VWC2: variants seen among roughly 807,000 people sequenced by gnomAD.
VWC2 encodes the protein brorin.
VWC2 carries 14 observed loss-of-function variants against 29.8 expected under a neutral mutation model. The ratio of observed to expected loss-of-function variants is 0.47; its 90% CI spans 0.31 to 0.74. The LOEUF (loss-of-function observed/expected upper bound fraction) is 0.74, where lower values mean the gene tolerates loss of function less well. VWC2 is among the 30% of genes least tolerant of loss of function. The pLI, the probability that VWC2 is intolerant of heterozygous loss-of-function variation, is 0.05. For synonymous variants in VWC2, 213 were observed against 199.0 expected, an observed-to-expected ratio of 1.07 and a Z score of -0.59; for missense variants, 457 against 459.8, an observed-to-expected ratio of 0.99 and a Z score of 0.05.
In VWC2 at chr7:49,775,527, T is replaced by A. The variant is rs767333586; in HGVS notation, c.92T>A (p.Ile31Asn). The A allele has an allele frequency of 1.3e-6, 2 of 1,575,276 alleles. No homozygotes were observed. The highest frequency in any genetic ancestry group is 2.3e-5 in the South Asian group (2 of 85,404). Residue 31 changes from isoleucine to asparagine, a missense_variant, in exon 2 of 4, where the codon ATC (isoleucine) becomes AAC (asparagine). By Grantham distance (149) the Ile-to-Asn change is moderately radical. Around this residue, in one of 2 missense-constraint regions of VWC2, gnomAD observed 272 missense variants for 202.7 expected, o/e 1.34. Transcript: ENST00000340652. ...CLMVALCSPS[I>N]PLEKLAQAPE... ...ATGGTGGCTCTGTGCAGTCCGAGCA[T>A]CCCGCTGGAGAAGCTGGCCCAGGCA...
chr7:49,778,769 T>C (rs1209198337), intron 2 of VWC2, among the ~76,000 whole-genome samples: 8 of 152,232 alleles, frequency 5.3e-5, no homozygotes, highest in Admixed American at 1.3e-4. Context: ...ACATGCCTGC[T>C]CTGGGTATTC....
chr7:49,862,146 A>G (rs1466182212), intron 3 of VWC2, among the ~76,000 whole-genome samples: 1 of 152,110 alleles, frequency 6.6e-6, no homozygotes, highest in East Asian at 1.9e-4. Context: ...TGTTTTCTTT[A>G]ATTTCTTTAA....
intron 3 of VWC2, among the ~76,000 whole-genome samples, chr7:49,852,497 C>A (rs1378624609): frequency 6.6e-6 from 1 of 152,158 alleles, no homozygotes; most frequent in Non-Finnish European, 1.5e-5. Flanking sequence ...CATCTTTAAA[C>A]TAACCTTTAT....
At chr7:49,831,556 G>A (rs1038833759) in intron 3 of VWC2, among the ~76,000 whole-genome samples, 1 of 152,148 alleles carries the variant, frequency 6.6e-6, no homozygotes, top group Non-Finnish European at 1.5e-5. Context: ...GCAGATTTTT[G>A]CTCAGTGTAA....
chr7:49,815,881 C>G (rs1789131156), intron 3 of VWC2, among the ~76,000 whole-genome samples: 1 of 151,992 alleles, frequency 6.6e-6, no homozygotes, highest in Non-Finnish European at 1.5e-5. Context: ...TTGCTGTACG[C>G]CACAAAAGAA....
intron 2 of VWC2, among the ~76,000 whole-genome samples, chr7:49,801,756 C>T (rs1341427011): frequency 6.6e-6 from 1 of 152,244 alleles, no homozygotes; most frequent in Non-Finnish European, 1.5e-5. Flanking sequence ...ACAGGACAGA[C>T]ATGCCCATGG....
chr7:49,803,094 A>C (rs1027160454), intron 3 of VWC2, among the ~76,000 whole-genome samples: 1 of 152,210 alleles, frequency 6.6e-6, no homozygotes, highest in Non-Finnish European at 1.5e-5. Flanking sequence ...TCCACCTTTG[A>C]GGAGAGTCAC....
At chr7:49,823,430 A>G (rs895526008) in intron 3 of VWC2, among the ~76,000 whole-genome samples, 6 of 152,198 alleles carry the variant, frequency 3.9e-5, no homozygotes, top group Non-Finnish European at 8.8e-5. Flanking sequence ...CAAAGTAGCT[A>G]TTAGGGTATG....
intron 3 of VWC2, among the ~76,000 whole-genome samples, chr7:49,821,948 G>A (rs1789270192): frequency 6.6e-6 from 1 of 152,034 alleles, no homozygotes; most frequent in East Asian, 1.9e-4. Context: ...AGCTATAATT[G>A]TCAAAATTTA....
intron 3 of VWC2, among the ~76,000 whole-genome samples, chr7:49,814,743 T>G (rs868867304): frequency 6.6e-6 from 1 of 152,198 alleles, no homozygotes; most frequent in South Asian, 2.1e-4. Flanking sequence ...GATCAAAGAC[T>G]GGTGTCCACT....
intron 3 of VWC2, among the ~76,000 whole-genome samples, chr7:49,884,500 G>A (rs2128728248): frequency 6.6e-6 from 1 of 152,306 alleles, no homozygotes; most frequent in South Asian, 2.1e-4. Flanking sequence ...GATGAGGGGT[G>A]TGGCATCTCA....
chr7:49,774,535 G>T (rs532637935), intron 1 of VWC2, among the ~76,000 whole-genome samples: 1 of 152,332 alleles, frequency 6.6e-6, no homozygotes, highest in African/African-American at 2.4e-5. Flanking sequence ...GCGCCCTGGG[G>T]CCCCAGCCTC....
chr7:49,775,346 C>G lies in VWC2; in HGVS notation c.-90C>G. 2.7e-6 allele frequency: 3 copies of G among 1,102,632 alleles called. No homozygotes were observed. The highest frequency in any genetic ancestry group is 3.5e-6 in the Non-Finnish European group (3 of 856,372). The allele number at this position is 1,102,632 out of a possible 1,614,324, so 68.3% of individuals were successfully genotyped here. A position where few individuals can be genotyped will look rare whatever the true frequency, so the allele number is the denominator to read the frequency against. ...TTCTCTCCGCAGGGACGGCGGCTCC[C>G]GGCTGGCGGCGGCGCGCCCCCGGGC... On this transcript the variant is annotated 5_prime_UTR_variant, in exon 2 of 4. Coordinates refer to ENST00000340652, the MANE Select transcript of VWC2 (RefSeq NM_198570.5).
At position 49,776,074 on chromosome 7, in the gene VWC2, G is replaced by A; in HGVS notation, c.639G>A (p.Glu213=). 6.4e-7 allele frequency: 1 copy of A among 1,555,666 alleles called. No individual in the cohort carries two copies. Among genetic ancestry groups the A allele is most frequent in the Non-Finnish European group, 8.6e-7 (1 of 1,156,634 alleles). ...GCCAGTGCTGCCCGCAGTGCAAGGA[G>A]AGGAAGAACTACTGCGAGTTCCGGG... ...DTSQCCPQCK[E]RKNYCEFRGK... The change falls in exon 2 of 4, where the codon GAG becomes GAA. Residue 213 remains glutamate (E), a synonymous_variant. Transcript: ENST00000340652.
At chr7:49,790,715 C>A (rs562527049) in intron 2 of VWC2, among the ~76,000 whole-genome samples, 35 of 151,878 alleles carry the variant, frequency 2.3e-4, no homozygotes, top group African/African-American at 7.5e-4. Context: ...GTCGGGGACT[C>A]AGGCTGCAGG....
chr7:49,780,940 C>A (rs1008013422), intron 2 of VWC2, among the ~76,000 whole-genome samples: 2 of 152,182 alleles, frequency 1.3e-5, no homozygotes, highest in African/African-American at 4.8e-5. Flanking sequence ...AATTTGGAAT[C>A]AAAACCTTCA....
chr7:49,829,535 A>C (rs1789479312), intron 3 of VWC2, among the ~76,000 whole-genome samples: 1 of 152,198 alleles, frequency 6.6e-6, no homozygotes, highest in Non-Finnish European at 1.5e-5. Flanking sequence ...CATTTGTTGA[A>C]GCTCATGGGA....
chr7:49,788,611 T>C (rs1451802128), intron 2 of VWC2, among the ~76,000 whole-genome samples: 1 of 139,104 alleles, frequency 7.2e-6, no homozygotes, highest in Admixed American at 6.8e-5. Context: ...CACACTCTTA[T>C]GAGTGGTGGG....
chr7:49,794,564 T>C (rs1788542219), intron 2 of VWC2, among the ~76,000 whole-genome samples: 1 of 152,194 alleles, frequency 6.6e-6, no homozygotes, highest in South Asian at 2.1e-4. Context: ...GAAAGAAATA[T>C]TGCATGTGGT....
Sources: allele counts gnomAD v4.1 joint callset (sites outside exome capture counted in the v4.1 genomes callset), GRCh38; gene constraint gnomAD v4.1.1; regional missense constraint gnomAD v4.1.1; transcripts MANE v1.5; gene names NCBI Gene and HGNC (gene_info 2026-07-23, HGNC 2026-07-21).